Variants in FSD1L observed in about 807,000 individuals in gnomAD.
FSD1L encodes FSD1-like protein.
FSD1L carries 45 observed loss-of-function variants against 71.6 expected under a neutral mutation model. That is an observed-to-expected ratio of 0.63 (90% CI 0.49 to 0.81). The LOEUF is 0.81. Among genes scored for constraint, FSD1L ranks in the 30% least tolerant of loss-of-function variants. The pLI, the probability that FSD1L is intolerant of heterozygous loss-of-function variation, is 0.00. For synonymous variants in FSD1L, 197 were observed against 207.2 expected (o/e 0.95, Z 0.42); for missense variants, 561 against 618.1 (o/e 0.91, Z 0.98).
intron 4 of FSD1L, among the ~76,000 whole-genome samples, chr9:105,470,420 TC>T (rs1356514475): frequency 2.0e-5 from 3 of 152,198 alleles, no homozygotes; most frequent in Non-Finnish European, 4.4e-5. Flanking sequence ...GTTGTATATT[TC>T]TTTTAGCATT....
intron 10 of FSD1L, chr9:105,522,898 G>C (rs1023335503): frequency 6.2e-7 from 1 of 1,609,054 alleles, no homozygotes; most frequent in African/African-American, 1.3e-5. Flanking sequence ...AACCAGATGC[G>C]CCCTATTGAT....
upstream of FSD1L, among the ~76,000 whole-genome samples, chr9:105,443,343 G>T (rs189431474): frequency 0.015 from 1,790 of 121,368 alleles, 33 homozygotes; most frequent in African/African-American, 0.076. Flanking sequence ...CATCTGCAGG[G>T]AAACTCATTT....
At chr9:105,466,033 C>A (rs983944227) in intron 3 of FSD1L, among the ~76,000 whole-genome samples, 1 of 152,058 alleles carries the variant, frequency 6.6e-6, no homozygotes, top group Non-Finnish European at 1.5e-5. Context: ...ACTGTTAGAA[C>A]TGATAAATTC....
At chr9:105,513,676 G>A (rs1024164777) in intron 10 of FSD1L, 43 of 1,439,064 alleles carry the variant, frequency 3.0e-5, no homozygotes, top group Non-Finnish European at 3.7e-5. Flanking sequence ...GTAAAATCTA[G>A]CTTGGCTGAT....
intron 10 of FSD1L, chr9:105,530,452 G>T: frequency 1.8e-6 from 1 of 563,354 alleles, no homozygotes; most frequent in Non-Finnish European, 3.1e-6. Flanking sequence ...AATGTCAATA[G>T]TTATGTCTGT....
At chr9:105,517,831 G>A (rs375536663) in intron 10 of FSD1L, among the ~76,000 whole-genome samples, 35 of 152,224 alleles carry the variant, frequency 2.3e-4, no homozygotes, top group African/African-American at 7.2e-4. Context: ...AAATGTAAAC[G>A]GGCTAAGTGC....
intron 10 of FSD1L, among the ~76,000 whole-genome samples, chr9:105,529,160 C>T (rs1414593165): frequency 6.6e-6 from 1 of 152,204 alleles, no homozygotes; most frequent in Non-Finnish European, 1.5e-5. Context: ...AACTGTTCTA[C>T]ACTGTTGGTG....
At chr9:105,484,552 T>G in intron 7 of FSD1L, 50 bp downstream of exon 7, 1 of 1,271,668 alleles carries the variant, frequency 7.9e-7, no homozygotes, top group Non-Finnish European at 1.0e-6. Context: ...TTTTTTTTTC[T>G]ACAAGATTTT....
At position 105,548,497 on chromosome 9, in the gene FSD1L, C is replaced by T. The variant is rs375695500; in HGVS notation, c.*2014C>T. 7.9e-5 allele frequency: 12 copies of T among 152,590 alleles called. No individual in the cohort carries two copies. The highest frequency in any genetic ancestry group is 3.9e-4 in the East Asian group (2 of 5,180). 9.5% of individuals were successfully genotyped at this position (152,590 alleles called of 1,614,324 possible). A position where few individuals can be genotyped will look rare whatever the true frequency, so the allele number is the denominator to read the frequency against. On this transcript the variant is annotated 3_prime_UTR_variant, in exon 14 of 14. Coordinates refer to ENST00000481272, the MANE Select transcript of FSD1L (RefSeq NM_001145313.3). ...TCTAAGCATACTCTTGGTCCATGCC[C>T]CATGCAGTGTCAACTGATGTTTAAG...
rs1829735548 is a variant in FSD1L at position 105,448,118 on chromosome 9, G to T, written c.-103G>T. Reference sequence around the variant, plus strand: ...GGGCCGGGCGGTGCCGGTGCGGGCTGGGGCAGTGCAGTGAGTAGCGGTCTT... The same window carrying T: ...GGGCCGGGCGGTGCCGGTGCGGGCTTGGGCAGTGCAGTGAGTAGCGGTCTT... On this transcript the variant is annotated 5_prime_UTR_variant, in exon 1 of 14. Coordinates refer to ENST00000481272, the MANE Select transcript of FSD1L (RefSeq NM_001145313.3). The T allele has an allele frequency of 7.9e-7, 1 of 1,260,190 alleles. No individual in the cohort carries two copies. Among genetic ancestry groups the T allele is most frequent in the Non-Finnish European group, 1.1e-6 (1 of 890,154 alleles). The allele number at this position is 1,260,190 out of a possible 1,614,324, so 78.1% of individuals were successfully genotyped here. A position where few individuals can be genotyped will look rare whatever the true frequency, so the allele number is the denominator to read the frequency against.
At chr9:105,512,206 G>T (rs1175406304) in intron 9 of FSD1L, among the ~76,000 whole-genome samples, 4 of 120,534 alleles carry the variant, frequency 3.3e-5, no homozygotes, top group Non-Finnish European at 5.1e-5. Flanking sequence ...TAGTTTTATG[G>T]TTTTTTTTTA....
chr9:105,492,805 T>A (rs1263985979), intron 7 of FSD1L, among the ~76,000 whole-genome samples: 1 of 152,164 alleles, frequency 6.6e-6, no homozygotes, highest in African/African-American at 2.4e-5. Context: ...TGTAGTTGAA[T>A]GGTTTTGAGT....
Position 105,520,453 on chromosome 9 carries a change from G to A in FSD1L, c.1025+7517G>A. ...CTTTGAAAATTTTGTGACTATCGAA[G>A]CTAGTCTTAAACAGAAAGGTCACAA... On this transcript the variant is annotated intron_variant, in intron 10 of 13. Transcript: ENST00000481272. The A allele has an allele frequency of 6.6e-6, 7 of 1,058,962 alleles. No homozygotes were observed. The South Asian group carries it at 8.9e-5, about 13-fold the overall frequency. 65.6% of individuals were successfully genotyped at this position (1,058,962 alleles called of 1,614,324 possible).
chr9:105,498,421 G>A (rs1393796679), intron 7 of FSD1L, among the ~76,000 whole-genome samples: 2 of 151,942 alleles, frequency 1.3e-5, no homozygotes, highest in African/African-American at 4.8e-5. Flanking sequence ...ATATTATATA[G>A]CAGATTGTTC....
chr9:105,502,353 T>A (rs1186841222), intron 7 of FSD1L, among the ~76,000 whole-genome samples: 1 of 152,236 alleles, frequency 6.6e-6, no homozygotes, highest in Non-Finnish European at 1.5e-5. Flanking sequence ...AAAACTTTGA[T>A]TGTTGCCTTT....
At chr9:105,524,152 G>A in intron 10 of FSD1L, 2 of 1,612,196 alleles carry the variant, frequency 1.2e-6, no homozygotes, top group Non-Finnish European at 1.7e-6. Flanking sequence ...TTAGGTATTT[G>A]GATTTGTGAA....
intron 10 of FSD1L, chr9:105,513,614 A>C: frequency 6.5e-7 from 1 of 1,533,398 alleles, no homozygotes; most frequent in East Asian, 2.4e-5. Flanking sequence ...ATGTTACTTC[A>C]CTGAAGAAAC....
intron 10 of FSD1L, chr9:105,525,291 T>A: frequency 5.0e-6 from 8 of 1,608,658 alleles, no homozygotes; most frequent in Non-Finnish European, 5.9e-6. Context: ...AAGATGCTCT[T>A]GATGAACTCT....
At chr9:105,473,361 ATAACCT>A (rs1368311935) in intron 5 of FSD1L, 2 of 152,214 alleles carry the variant, frequency 1.3e-5, no homozygotes, top group Admixed American at 6.5e-5. Flanking sequence ...CATTCATGTG[ATAACCT>A]TAAGTGTCTG....
Sources: allele counts gnomAD v4.1 joint callset (sites outside exome capture counted in the v4.1 genomes callset), GRCh38; gene constraint gnomAD v4.1.1; transcripts MANE v1.5; gene names NCBI Gene and HGNC (gene_info 2026-07-23, HGNC 2026-07-21).